MOCOS: variants seen among roughly 807,000 people sequenced by gnomAD.
The protein encoded by MOCOS is molybdenum cofactor sulfurase, also known as human molybdenum cofactor sulfurase.
Under a neutral mutation model 83.6 loss-of-function variants are expected in MOCOS, and 86 were observed. The observed-to-expected ratio is 1.03, with a 90% CI of 0.86 to 1.23. MOCOS has a LOEUF of 1.23. MOCOS is among the 50% of genes most tolerant of loss of function. The pLI is 0.00. For missense variants in MOCOS, 1,120 were observed against 1,126.9 expected (o/e 0.99, Z 0.09); for synonymous variants, 445 against 434.7 (o/e 1.02, Z -0.29).
chr18:36,254,511 GA>G (rs879774947), intron 11 of MOCOS, among the ~76,000 whole-genome samples: 37 of 151,218 alleles, frequency 2.4e-4, no homozygotes, highest in Non-Finnish European at 4.9e-4. Context: ...TAGAGAGAGA[GA>G]GAGCGAGAGG....
intron 11 of MOCOS, among the ~76,000 whole-genome samples, 174 bp downstream of exon 11, chr18:36,251,457 C>T (rs2091621677): frequency 6.6e-6 from 1 of 152,162 alleles, no homozygotes; most frequent in African/African-American, 2.4e-5. Flanking sequence ...GCGAAATGGG[C>T]TCCAGGATCT....
intron 9 of MOCOS, among the ~76,000 whole-genome samples, chr18:36,244,787 A>C (rs568247967): frequency 3.9e-5 from 6 of 152,188 alleles, no homozygotes; most frequent in African/African-American, 1.2e-4. Context: ...TTGTTTTATA[A>C]ATTTGAGAAC....
chr18:36,199,261 CA>C (rs1568049261), intron 3 of MOCOS, among the ~76,000 whole-genome samples: 1 of 152,130 alleles, frequency 6.6e-6, no homozygotes, highest in Non-Finnish European at 1.5e-5. Context: ...ATTATTAACA[CA>C]ATTTCCAATC....
At chr18:36,191,717 A>G (rs2091366836) in intron 1 of MOCOS, among the ~76,000 whole-genome samples, 1 of 151,202 alleles carries the variant, frequency 6.6e-6, no homozygotes, top group African/African-American at 2.4e-5. Flanking sequence ...TATAGATATG[A>G]GTCACTGTGT....
At chr18:36,248,266 G>A (rs1369391485) in intron 9 of MOCOS, among the ~76,000 whole-genome samples, 2 of 151,988 alleles carry the variant, frequency 1.3e-5, no homozygotes, top group African/African-American at 4.8e-5. Context: ...TATCTATTCA[G>A]ATTATTTGCT....
chr18:36,265,787 A>G (rs1339378823), intron 13 of MOCOS, among the ~76,000 whole-genome samples: 1 of 151,990 alleles, frequency 6.6e-6, no homozygotes, highest in Non-Finnish European at 1.5e-5. Context: ...ATTAAAAATA[A>G]TTTTGTTTCC....
intron 6 of MOCOS, among the ~76,000 whole-genome samples, chr18:36,207,274 C>A (rs1052310869): frequency 6.6e-6 from 1 of 152,052 alleles, no homozygotes; most frequent in Non-Finnish European, 1.5e-5. Context: ...TGGCCTCATG[C>A]GATCCACCTG....
intron 9 of MOCOS, among the ~76,000 whole-genome samples, chr18:36,240,782 C>T (rs192702739): frequency 3.9e-5 from 6 of 152,106 alleles, no homozygotes; most frequent in Admixed American, 1.3e-4. Context: ...TAGCAATCAG[C>T]GAGACTCCAT....
Position 36,214,329 on chromosome 18 carries a change from CT to C in MOCOS, c.1335+850del, listed in dbSNP as rs373837106. ...AGCAGACTTTCAGATTCATTTTTTA[CT>C]TTGAGGCCAACCATTTAAAGGCAAG... is the stretch of plus-strand genomic sequence containing the variant. On this transcript the variant is annotated intron_variant, in intron 7 of 14. Transcript: ENST00000261326. Among the ~76,000 whole-genome samples, 277 of 150,774 alleles carry C rather than the reference CT, an allele frequency of 1.8e-3. 3 individuals are homozygous for C. Among genetic ancestry groups the C allele is most frequent in the African/African-American group, 6.5e-3 (266 of 41,178 alleles).
intron 4 of MOCOS, among the ~76,000 whole-genome samples, chr18:36,201,316 C>T (rs371261976): frequency 2.0e-5 from 3 of 152,144 alleles, no homozygotes; most frequent in Admixed American, 1.3e-4. Context: ...TGCACACCAG[C>T]GAGGGGACAT....
intron 7 of MOCOS, among the ~76,000 whole-genome samples, chr18:36,215,196 C>G (rs754779954): frequency 1.3e-5 from 2 of 152,206 alleles, no homozygotes; most frequent in Non-Finnish European, 2.9e-5. Flanking sequence ...AAACCTTAGT[C>G]TGTGTTTTGA....
chr18:36,258,491 T>C lies in MOCOS; in HGVS notation c.2270+1418T>C, dbSNP rs185606136. On this transcript the variant is annotated intron_variant, in intron 12 of 14. Coordinates refer to ENST00000261326, the MANE Select transcript of MOCOS (RefSeq NM_017947.4). ...ATGAGGAAATTGTGGTCCTCATAGGTTGTGGGAGTTGCCCTTAGTAAGTGG... is the reference window on the plus strand; with the variant it reads ...ATGAGGAAATTGTGGTCCTCATAGGCTGTGGGAGTTGCCCTTAGTAAGTGG... Among the ~76,000 whole-genome samples, 322 of 152,200 alleles carry C rather than the reference T, an allele frequency of 2.1e-3. 1 individual carries two copies. The highest frequency in any genetic ancestry group is 3.7e-3 in the Non-Finnish European group (253 of 67,998).
chr18:36,208,634 A>C (rs185541683), intron 6 of MOCOS, among the ~76,000 whole-genome samples: 6 of 152,312 alleles, frequency 3.9e-5, no homozygotes, highest in East Asian at 1.9e-4. Context: ...ATTTTCATGC[A>C]TTGATTTTGT....
In MOCOS at chr18:36,268,559, T is replaced by C. The variant is rs746245667; in HGVS notation, c.2541T>C (p.His847=). ...TGAACTTTGGCATGTACCTGATGCA[T>C]GCATCATTGGATTTATCCTCCCCAT... ...TKVNFGMYLM[H]ASLDLSSPCF... Residue 847 remains histidine, a synonymous_variant, in exon 15 of 15, where the codon CAT becomes CAC. Transcript: ENST00000261326. 8.7e-6 allele frequency: 14 copies of C among 1,614,208 alleles called. No individual in the cohort carries two copies. Among genetic ancestry groups the C allele is most frequent in the East Asian group, 4.5e-5 (2 of 44,884 alleles).
At chr18:36,203,251 C>A in intron 5 of MOCOS, 62 bp downstream of exon 5, 1 of 1,457,578 alleles carries the variant, frequency 6.9e-7, no homozygotes, top group Non-Finnish European at 9.6e-7. Context: ...GGAGCTCTGG[C>A]ACAGGTGTGA....
At chr18:36,233,797 G>A (rs2091547489) in intron 9 of MOCOS, among the ~76,000 whole-genome samples, 1 of 152,122 alleles carries the variant, frequency 6.6e-6, no homozygotes, top group Non-Finnish European at 1.5e-5. Flanking sequence ...GTAATGATGA[G>A]CATTTTCTCA....
chr18:36,244,589 A>G (rs1047175038), intron 9 of MOCOS, among the ~76,000 whole-genome samples: 2 of 152,146 alleles, frequency 1.3e-5, no homozygotes, highest in Non-Finnish European at 2.9e-5. Flanking sequence ...AAAAGAATGT[A>G]TACTCTGCAG....
intron 11 of MOCOS, among the ~76,000 whole-genome samples, chr18:36,255,447 T>C (rs1311608738): frequency 6.6e-6 from 1 of 152,202 alleles, no homozygotes; most frequent in Non-Finnish European, 1.5e-5. Context: ...CTTTAGAGAC[T>C]TTTATTTTCT....
chr18:36,251,089 T>C, intron 10 of MOCOS, 70 bp from the exon 11 acceptor site: 1 of 1,537,982 alleles, frequency 6.5e-7, no homozygotes, highest in Non-Finnish European at 8.9e-7. Flanking sequence ...AACCAAACTT[T>C]TTGCAATTCA....
Sources: allele counts gnomAD v4.1 joint callset (sites outside exome capture counted in the v4.1 genomes callset), GRCh38; gene constraint gnomAD v4.1.1; transcripts MANE v1.5; gene names NCBI Gene and HGNC (gene_info 2026-07-23, HGNC 2026-07-21).